EPHA6: variants seen among roughly 807,000 people sequenced by gnomAD.
The protein encoded by EPHA6 is EPH receptor A6, also known as ephrin type-A receptor 6.
Under a neutral mutation model 112.0 loss-of-function variants are expected in EPHA6, and 50 were observed. The observed-to-expected ratio is 0.45, with a 90% CI of 0.36 to 0.56. The LOEUF (loss-of-function observed/expected upper bound fraction) is 0.56. EPHA6 is among the 20% of genes least tolerant of loss of function. EPHA6 has a pLI of 0.00. For synonymous variants in EPHA6, 529 were observed against 490.7 expected (o/e 1.08, Z -1.03); for missense variants, 1,280 against 1,417.4 (o/e 0.90, Z 1.56).
chr3:97,007,131 G>C (rs1325151223), intron 3 of EPHA6, among the ~76,000 whole-genome samples: 2 of 152,180 alleles, frequency 1.3e-5, no homozygotes, highest in Non-Finnish European at 2.9e-5. Context: ...ACTTGATCCA[G>C]AGCTGAGTTC....
chr3:96,881,717 C>T (rs980790276), intron 2 of EPHA6, among the ~76,000 whole-genome samples: 1 of 152,108 alleles, frequency 6.6e-6, no homozygotes, highest in Non-Finnish European at 1.5e-5. Context: ...AAGTCTCATC[C>T]AAGACAAGGC....
chr3:97,275,614 AG>A (rs1461289821), intron 5 of EPHA6, among the ~76,000 whole-genome samples: 5 of 152,314 alleles, frequency 3.3e-5, no homozygotes, highest in Admixed American at 3.3e-4. Context: ...GTTCTAGGAC[AG>A]GTAAAATGGG....
intron 11 of EPHA6, among the ~76,000 whole-genome samples, chr3:97,581,097 A>G (rs2093433308): frequency 6.6e-6 from 1 of 152,122 alleles, no homozygotes; most frequent in Admixed American, 6.5e-5. Context: ...CTCCACCCTC[A>G]AGATCGTCTC....
In EPHA6 at chr3:97,547,375, C is replaced by A. The variant is rs181147253; in HGVS notation, c.2386+14832C>A. Among the ~76,000 whole-genome samples, 420 of 152,282 alleles carry A rather than the reference C, an allele frequency of 2.8e-3. 4 individuals are homozygous for A. Among genetic ancestry groups the A allele is most frequent in the African/African-American group, 9.3e-3 (387 of 41,548 alleles). ...GGTTTCAGCAGCGGTGGCTACCGAA[C>A]AGCAGATGTGGGTGAACCGCAAATG... On this transcript the variant is annotated intron_variant, in intron 11 of 17. Transcript: ENST00000389672.
At chr3:97,410,071 T>A (rs903251201) in intron 6 of EPHA6, among the ~76,000 whole-genome samples, 2 of 152,058 alleles carry the variant, frequency 1.3e-5, no homozygotes, top group African/African-American at 4.8e-5. Context: ...TTTTTATCAA[T>A]CAGGGATGAT....
At chr3:96,867,476 A>G (rs1168877441) in intron 2 of EPHA6, among the ~76,000 whole-genome samples, 2 of 151,690 alleles carry the variant, frequency 1.3e-5, no homozygotes, top group Non-Finnish European at 3.0e-5. Flanking sequence ...TTGACTTTTT[A>G]TATATTTTTA....
intron 9 of EPHA6, among the ~76,000 whole-genome samples, chr3:97,482,719 C>T (rs1259969853): frequency 6.6e-6 from 1 of 152,066 alleles, no homozygotes; most frequent in Non-Finnish European, 1.5e-5. Flanking sequence ...ATATGTTTTG[C>T]AAGGAGAGTC....
intron 2 of EPHA6, among the ~76,000 whole-genome samples, chr3:96,889,134 G>A (rs1425450158): frequency 6.6e-6 from 1 of 152,126 alleles, no homozygotes; most frequent in African/African-American, 2.4e-5. Context: ...ATATCAGCCT[G>A]GACTTTACTG....
At chr3:96,930,289 G>A (rs925689834) in intron 2 of EPHA6, among the ~76,000 whole-genome samples, 1 of 152,174 alleles carries the variant, frequency 6.6e-6, no homozygotes, top group African/African-American at 2.4e-5. Context: ...ATTTGGAGAA[G>A]GGGCACTCTA....
intron 7 of EPHA6, among the ~76,000 whole-genome samples, chr3:97,459,350 G>A (rs1276091752): frequency 1.3e-5 from 2 of 152,146 alleles, no homozygotes; most frequent in African/African-American, 2.4e-5. Context: ...AAACTCTGGG[G>A]GTGGGACCCA....
At chr3:97,113,259 C>T (rs2047777009) in intron 3 of EPHA6, among the ~76,000 whole-genome samples, 1 of 152,110 alleles carries the variant, frequency 6.6e-6, no homozygotes, top group African/African-American at 2.4e-5. Context: ...CCAGGATTTG[C>T]ATTCAAGAAA....
intron 5 of EPHA6, among the ~76,000 whole-genome samples, chr3:97,269,267 C>T (rs1309975321): frequency 1.3e-5 from 2 of 152,072 alleles, no homozygotes; most frequent in East Asian, 1.9e-4. Flanking sequence ...CTTCATTGTT[C>T]CCCTTGCTCT....
chr3:97,404,472 G>A (rs976246732), intron 5 of EPHA6, among the ~76,000 whole-genome samples: 15 of 152,108 alleles, frequency 9.9e-5, no homozygotes, highest in Admixed American at 2.6e-4. Context: ...TTTCTAAAAG[G>A]TGCAAAGAGA....
chr3:96,878,786 C>T (rs2037125956), intron 2 of EPHA6, among the ~76,000 whole-genome samples: 1 of 151,938 alleles, frequency 6.6e-6, no homozygotes, highest in African/African-American at 2.4e-5. Flanking sequence ...ATCTCTAAGC[C>T]TCCAATTTTA....
chr3:97,418,470 G>A lies in EPHA6; in HGVS notation c.1731+13196G>A, dbSNP rs545879228. 5.3e-5 allele frequency among the ~76,000 whole-genome samples: 8 copies of A among 152,128 alleles called. No individual in the cohort carries two copies. In the East Asian group the frequency reaches 1.5e-3, roughly 29 times the overall value. On this transcript the variant is annotated intron_variant, in intron 6 of 17. Coordinates refer to ENST00000389672, the MANE Select transcript of EPHA6 (RefSeq NM_001080448.3). The stretch of plus-strand genomic sequence containing the variant: ...CATTTTAAAAATTAGGCATATAGAA[G>A]AAATCACTGACAAAAAAACATGACA...
chr3:97,298,979 A>G (rs1305805827), intron 5 of EPHA6, among the ~76,000 whole-genome samples: 2 of 152,126 alleles, frequency 1.3e-5, no homozygotes, highest in African/African-American at 4.8e-5. Flanking sequence ...CATTTTTCCC[A>G]CTAGATTTTC....
rs2036061885 is a variant in EPHA6 at position 97,757,793 on chromosome 3, T to C, written c.*9092T>C. 6.6e-6 allele frequency among the ~76,000 whole-genome samples: 1 copy of C among 151,886 alleles called. No individual in the cohort carries two copies. The highest frequency in any genetic ancestry group is 1.5e-5 in the Non-Finnish European group (1 of 67,780). ...TTACATTCTTTCAAGAAGATTGCCT[T>C]CTCTTTCCAGTTGTTTTAAGTATTT... On this transcript the variant is annotated 3_prime_UTR_variant, in exon 18 of 18. Coordinates refer to ENST00000389672, the MANE Select transcript of EPHA6 (RefSeq NM_001080448.3).
intron 3 of EPHA6, among the ~76,000 whole-genome samples, chr3:97,006,459 G>A (rs1030540015): frequency 6.6e-6 from 1 of 151,790 alleles, no homozygotes; most frequent in African/African-American, 2.4e-5. Flanking sequence ...GATATCCCCT[G>A]TATCATTTTT....
chr3:96,948,119 T>C (rs2041365072), intron 2 of EPHA6, among the ~76,000 whole-genome samples: 1 of 152,244 alleles, frequency 6.6e-6, no homozygotes, highest in Non-Finnish European at 1.5e-5. Context: ...CCAACTATTT[T>C]TAAATAAGTA....
Sources: gnomAD v4.1 joint callset for allele counts (sites outside exome capture counted in the v4.1 genomes callset) on GRCh38, gnomAD v4.1.1 for gene constraint, MANE v1.5 for transcripts, NCBI Gene and HGNC (gene_info 2026-07-23, HGNC 2026-07-21) for gene names.